The following DNAH9 variants were observed in gnomAD, a reference collection of about 807,000 sequenced individuals.
DNAH9 encodes DNAH9 variant protein.
Under a neutral mutation model 471.6 loss-of-function variants are expected in DNAH9, and 345 were observed. The observed-to-expected ratio is 0.73, with a 90% CI of 0.67 to 0.80. The LOEUF (loss-of-function observed/expected upper bound fraction) is 0.80. DNAH9 is among the 30% of genes least tolerant of loss of function. The pLI is 0.00. For synonymous variants in DNAH9, 2,093 were observed against 2,123.6 expected (o/e 0.99, Z 0.40); for missense variants, 5,407 against 5,609.2 (o/e 0.96, Z 1.15).
At chr17:11,921,378 G>A (rs1781699598) in intron 61 of DNAH9, among the ~76,000 whole-genome samples, 1 of 152,062 alleles carries the variant, frequency 6.6e-6, no homozygotes. Context: ...TAGGAGTTGT[G>A]ATGTCCTCAG....
chr17:11,685,767 A>G (rs1244104695), intron 19 of DNAH9, among the ~76,000 whole-genome samples: 1 of 150,870 alleles, frequency 6.6e-6, no homozygotes, highest in African/African-American at 2.4e-5. Context: ...AATTGGAAGG[A>G]CTGCGCCTCA....
At chr17:11,781,250 G>A in intron 39 of DNAH9, 76 bp downstream of exon 39, 3 of 1,485,792 alleles carry the variant, frequency 2.0e-6, no homozygotes, top group Non-Finnish European at 2.7e-6. Flanking sequence ...TCTCTATTCT[G>A]CCTGAACGGC....
rs576629482 is a variant in DNAH9, at chr17:11,737,455, G to A, written c.5815-1425G>A. Among the ~76,000 whole-genome samples, 86 of 151,874 alleles carry A rather than the reference G, an allele frequency of 5.7e-4. 1 individual carries two copies. The highest frequency in any genetic ancestry group is 1.2e-3 in the South Asian group (6 of 4,802). ...TGAGGCTCATTCAAAACCTTGCACC[G>A]GCCCCAGCTTTTGGGTTTTGCTTCC... is the stretch of plus-strand genomic sequence containing the variant. On this transcript the variant is annotated intron_variant, in intron 28 of 68. Transcript: ENST00000262442.
intron 56 of DNAH9, among the ~76,000 whole-genome samples, chr17:11,886,576 G>C (rs1414110033): frequency 1.3e-5 from 2 of 149,660 alleles, no homozygotes; most frequent in Non-Finnish European, 3.0e-5. Context: ...GGCTTTCATG[G>C]CTCACGCTTC....
chr17:11,693,327 C>T (rs761632002), intron 20 of DNAH9, among the ~76,000 whole-genome samples: 3 of 148,230 alleles, frequency 2.0e-5, no homozygotes, highest in Non-Finnish European at 3.0e-5. Flanking sequence ...TCTCTGCAAC[C>T]GCACCCTCCA....
chr17:11,675,729 A>C (rs763468811), intron 17 of DNAH9, among the ~76,000 whole-genome samples: 3 of 152,202 alleles, frequency 2.0e-5, no homozygotes, highest in African/African-American at 4.8e-5. Context: ...AAAGTGGTGA[A>C]CATATTATTT....
Position 11,914,047 on chromosome 17 carries a change from A to G in DNAH9, c.11749+8238A>G, listed in dbSNP as rs554930462. Reference sequence around the variant, plus strand: ...CACATATATTCTAATATATGTAAATATATCATTCACTGCAAAGGCAAGTAA... The same window carrying G: ...CACATATATTCTAATATATGTAAATGTATCATTCACTGCAAAGGCAAGTAA... On this transcript the variant is annotated intron_variant, in intron 61 of 68. Coordinates refer to ENST00000262442, the MANE Select transcript of DNAH9 (RefSeq NM_001372.4). Among the ~76,000 whole-genome samples, 11 of 152,296 alleles carry G rather than the reference A, an allele frequency of 7.2e-5. No homozygotes were observed. The South Asian group carries it at 2.3e-3, about 32-fold the overall frequency.
intron 42 of DNAH9, 64 bp downstream of exon 42, chr17:11,793,728 C>T (rs1597655548): frequency 4.1e-6 from 5 of 1,216,978 alleles, no homozygotes; most frequent in East Asian, 2.5e-5. Flanking sequence ...TACAGATGAT[C>T]ACCCAATGAT....
At chr17:11,896,768 C>T (rs1973230717) in intron 59 of DNAH9, among the ~76,000 whole-genome samples, 1 of 152,278 alleles carries the variant, frequency 6.6e-6, no homozygotes, top group African/African-American at 2.4e-5. Flanking sequence ...TTTAAATTTT[C>T]TATAGCTGCA....
intron 1 of DNAH9, 142 bp from the exon 2 acceptor site, chr17:11,607,987 G>A (rs896291991): frequency 6.8e-6 from 4 of 591,778 alleles, no homozygotes; most frequent in Non-Finnish European, 1.2e-5. Context: ...CGTATGTAAT[G>A]TTCGACCCTA....
At chr17:11,664,992 G>T in intron 15 of DNAH9, 24 bp downstream of exon 15, 1 of 1,599,000 alleles carries the variant, frequency 6.3e-7, no homozygotes, top group South Asian at 1.1e-5. Context: ...TATGGATGTG[G>T]GTTATTATTG....
At chr17:11,788,808 C>T (rs1968963788) in intron 41 of DNAH9, among the ~76,000 whole-genome samples, 1 of 152,124 alleles carries the variant, frequency 6.6e-6, no homozygotes, top group South Asian at 2.1e-4. Context: ...CATTTTGACA[C>T]AGTCGTGATT....
At chr17:11,954,869 A>G (rs970642525) in intron 67 of DNAH9, among the ~76,000 whole-genome samples, 2 of 152,176 alleles carry the variant, frequency 1.3e-5, no homozygotes, top group Admixed American at 6.5e-5. Flanking sequence ...TGGTCTCCAC[A>G]GATGGTAAAT....
intron 59 of DNAH9, among the ~76,000 whole-genome samples, chr17:11,900,371 T>G (rs1047886022): frequency 4.6e-5 from 7 of 152,110 alleles, no homozygotes; most frequent in African/African-American, 1.4e-4. Context: ...CCCGGTCACA[T>G]GCCTCTGTCC....
At chr17:11,624,311 C>G (rs2150664152) in intron 6 of DNAH9, among the ~76,000 whole-genome samples, 1 of 152,280 alleles carries the variant, frequency 6.6e-6, no homozygotes, top group Non-Finnish European at 1.5e-5. Context: ...GAGTTTGAGA[C>G]AAGCCTGGCC....
chr17:11,796,737 C>T (rs1246140208), intron 42 of DNAH9, among the ~76,000 whole-genome samples: 1 of 152,228 alleles, frequency 6.6e-6, no homozygotes, highest in Non-Finnish European at 1.5e-5. Flanking sequence ...CCTATTCTTT[C>T]TCGGACTTTT....
intron 14 of DNAH9, among the ~76,000 whole-genome samples, chr17:11,655,302 C>T (rs2073616942): frequency 6.6e-6 from 1 of 151,594 alleles, no homozygotes; most frequent in Non-Finnish European, 1.5e-5. Flanking sequence ...ATCCAGGTTG[C>T]TGCAAATGCC....
At chr17:11,920,424 C>A (rs1159418010) in intron 61 of DNAH9, among the ~76,000 whole-genome samples, 1 of 151,032 alleles carries the variant, frequency 6.6e-6, no homozygotes, top group African/African-American at 2.4e-5. Context: ...AGTTTGAGAC[C>A]AGCCTGTCTA....
intron 35 of DNAH9, among the ~76,000 whole-genome samples, chr17:11,762,017 A>C (rs1267745623): frequency 6.6e-6 from 1 of 151,510 alleles, no homozygotes; most frequent in Non-Finnish European, 1.5e-5. Flanking sequence ...CACTGAGCCC[A>C]AGAGAGTTGT....
Sources: gnomAD v4.1 joint callset for allele counts (sites outside exome capture counted in the v4.1 genomes callset) on GRCh38, gnomAD v4.1.1 for gene constraint, MANE v1.5 for transcripts, NCBI Gene and HGNC (gene_info 2026-07-23, HGNC 2026-07-21) for gene names.